FBLN7: variants seen among roughly 807,000 people sequenced by gnomAD.
FBLN7 encodes the protein fibulin-7.
Under a neutral mutation model 44.0 loss-of-function variants are expected in FBLN7, and 31 were observed. The observed-to-expected ratio is 0.70, with a 90% CI of 0.53 to 0.95. FBLN7 has a LOEUF of 0.95. FBLN7 is among the 40% of genes least tolerant of loss of function. FBLN7 has a pLI of 0.00. For missense variants in FBLN7, 573 were observed against 618.5 expected, an observed-to-expected ratio of 0.93 and a Z score of 0.78; for synonymous variants, 262 against 253.4, an observed-to-expected ratio of 1.03 and a Z score of -0.32.
chr2:112,160,694 ACACACGCACGCACACACACAAGCACGCG>A (rs1558879674), intron 2 of FBLN7, among the ~76,000 whole-genome samples: 44 of 115,438 alleles, frequency 3.8e-4, no homozygotes, highest in East Asian at 3.2e-3. Flanking sequence ...ACGCACACGC[ACACACGCACGCACACACACAAGCACGCG>A]CACACGCACG....
chr2:112,157,046 A>G (rs1203164081), intron 1 of FBLN7, among the ~76,000 whole-genome samples: 1 of 152,202 alleles, frequency 6.6e-6, no homozygotes, highest in Non-Finnish European at 1.5e-5. Flanking sequence ...TATAAAACCA[A>G]TACTCAGTAG....
At chr2:112,160,840 G>A (rs7423859) in intron 2 of FBLN7, among the ~76,000 whole-genome samples, 1 of 111,672 alleles carries the variant, frequency 9.0e-6, no homozygotes, top group Non-Finnish European at 1.9e-5. Flanking sequence ...ATACACGCAC[G>A]CACACGCGCA....
intron 6 of FBLN7, 73 bp downstream of exon 6, chr2:112,183,001 C>T (rs3811643): frequency 0.15 from 231,922 of 1,567,272 alleles, 18,649 homozygotes; most frequent in East Asian, 0.35. Context: ...ACCTCACAGT[C>T]GGGAGTGAGG....
the FBLN7 span, among the ~76,000 whole-genome samples, chr2:112,241,596 G>C: frequency 6.6e-6 from 1 of 152,174 alleles, no homozygotes; most frequent in Non-Finnish European, 1.5e-5. Context: ...GTTCAAATAT[G>C]TTATTCCGTT....
At chr2:112,152,463 G>A (rs1379387687) in intron 1 of FBLN7, 1 of 152,270 alleles carries the variant, frequency 6.6e-6, no homozygotes, top group Non-Finnish European at 1.5e-5. Flanking sequence ...CTGGGGTGCA[G>A]AGCCCCAAAG....
At chr2:112,190,476 C>G (rs1244566940), downstream of FBLN7, 2 of 152,042 alleles carry the variant, frequency 1.3e-5, no homozygotes, top group African/African-American at 4.8e-5. Context: ...TTTCAGTTTT[C>G]AAAATGAGAT....
At chr2:112,166,893 C>T (rs1457459485) in intron 3 of FBLN7, among the ~76,000 whole-genome samples, 1 of 152,158 alleles carries the variant, frequency 6.6e-6, no homozygotes, top group East Asian at 1.9e-4. Context: ...CTGATCTGTC[C>T]ACCCCCTGCC....
chr2:112,187,235 C>T lies in FBLN7; in HGVS notation c.1049C>T (p.Thr350Met), dbSNP rs760281370. Residue 350 changes from threonine (T) to methionine (M), a missense_variant, in exon 8 of 8, where the codon ACG becomes ATG. By Grantham distance (81) the Thr-to-Met change is moderately conservative (BLOSUM62 -1). Transcript: ENST00000331203. The surrounding 1 kb of genome is among the most constrained non-coding windows in gnomAD (Gnocchi z 5.1). ...HYLSLPSNLK[T>M]PITLFRMATA... Reference sequence around the variant, plus strand: ...CTCTCTCTGCCTTCCAACCTGAAGACGCCCATCACGCTCTTCCGCATGGCC... The same window carrying T: ...CTCTCTCTGCCTTCCAACCTGAAGATGCCCATCACGCTCTTCCGCATGGCC... The T allele has an allele frequency of 5.1e-5, 82 of 1,614,082 alleles. No homozygotes were observed. The highest frequency in any genetic ancestry group is 3.3e-4 in the Middle Eastern group (2 of 6,084).
chr2:112,175,588 G>A lies in FBLN7; in HGVS notation c.407-126G>A. On this transcript the variant is annotated intron_variant, in intron 3 of 7. Transcript: ENST00000331203. ...GTGGAGAGGGTGGAAAGAGTGGGTGGGGTCAGGTAGAAAGTGGGAGTTCTC... is the reference window on the plus strand; with the variant it reads ...GTGGAGAGGGTGGAAAGAGTGGGTGAGGTCAGGTAGAAAGTGGGAGTTCTC... 7 of 1,232,382 alleles carry A rather than the reference G, an allele frequency of 5.7e-6. 1 individual carries two copies. In the South Asian group the frequency reaches 1.0e-4, roughly 18 times the overall value. 76.3% of individuals were successfully genotyped at this position (1,232,382 alleles called of 1,614,324 possible).
At chr2:112,160,802 A>ACG (rs1158274579) in intron 2 of FBLN7, among the ~76,000 whole-genome samples, 1 of 146,464 alleles carries the variant, frequency 6.8e-6, no homozygotes, top group Non-Finnish European at 1.5e-5. Flanking sequence ...GCACACACGC[A>ACG]CGCACACACA....
chr2:112,237,936 A>C, the FBLN7 span, among the ~76,000 whole-genome samples: 1 of 152,170 alleles, frequency 6.6e-6, no homozygotes, highest in South Asian at 2.1e-4. Flanking sequence ...AATCTAGAAG[A>C]ATATATTTCT....
the FBLN7 span, chr2:112,231,034 G>T: frequency 1.1e-6 from 1 of 874,946 alleles, no homozygotes; most frequent in Non-Finnish European, 1.5e-6. Context: ...ACTTTCAAAT[G>T]ATTCCAATCA....
chr2:112,237,478 C>T, the FBLN7 span, among the ~76,000 whole-genome samples: 1 of 152,296 alleles, frequency 6.6e-6, no homozygotes, highest in East Asian at 1.9e-4. Context: ...CCTGCAATGG[C>T]ATAATCATAG....
chr2:112,153,623 T>C (rs190278061), intron 1 of FBLN7, among the ~76,000 whole-genome samples: 1 of 151,970 alleles, frequency 6.6e-6, no homozygotes, highest in South Asian at 2.1e-4. Flanking sequence ...GGGGCCTGGA[T>C]GGGATGAGAG....
intron 1 of FBLN7, chr2:112,153,101 C>T (rs1681245804): frequency 6.6e-6 from 1 of 152,130 alleles, no homozygotes; most frequent in African/African-American, 2.4e-5. Context: ...TATGTGGGTG[C>T]TGAGCAGAGG....
chr2:112,180,709 A>G (rs978488147), intron 4 of FBLN7, among the ~76,000 whole-genome samples: 1 of 152,212 alleles, frequency 6.6e-6, no homozygotes, highest in African/African-American at 2.4e-5. Context: ...TCACGAAGTC[A>G]GGAGATCAAG....
At chr2:112,236,840 A>G in the FBLN7 span, 1 of 765,460 alleles carries the variant, frequency 1.3e-6, no homozygotes, top group East Asian at 2.7e-5. Context: ...CAAAGCTAGG[A>G]GTTCAAGGCC....
chr2:112,165,924 G>C (rs1682131105), intron 3 of FBLN7, among the ~76,000 whole-genome samples: 2 of 152,260 alleles, frequency 1.3e-5, no homozygotes, highest in Non-Finnish European at 1.5e-5. Flanking sequence ...GTCATTTTCA[G>C]AGCAAGGTTC....
chr2:112,236,295 C>CT, the FBLN7 span, among the ~76,000 whole-genome samples: 1 of 152,002 alleles, frequency 6.6e-6, no homozygotes, highest in African/African-American at 2.4e-5. Context: ...AATCAAGGAG[C>CT]TTGTGTGCAT....
Sources: gnomAD v4.1 joint callset for allele counts (sites outside exome capture counted in the v4.1 genomes callset) on GRCh38, gnomAD v4.1.1 for gene constraint, Gnocchi (gnomAD v3.1) non-coding constraint, MANE v1.5 for transcripts, NCBI Gene and HGNC (gene_info 2026-07-23, HGNC 2026-07-21) for gene names.